The following TAF4 variants were observed in gnomAD, a reference collection of about 807,000 sequenced individuals.
The protein encoded by TAF4 is transcription initiation factor TFIID subunit 4.
In TAF4, 9 loss-of-function variants were observed where a neutral mutation model predicts 90.3. The ratio of observed to expected loss-of-function variants is 0.10; its 90% CI spans 0.06 to 0.17. The LOEUF is 0.17. Ranked by LOEUF, TAF4 falls within the 10% of genes least tolerant of loss-of-function variation. The pLI, the probability that TAF4 is intolerant of heterozygous loss-of-function variation, is 1.00. For synonymous variants in TAF4, 818 were observed against 638.9 expected (o/e 1.28, Z -4.23); for missense variants, 1,351 against 1,370.7 (o/e 0.99, Z 0.23).
In TAF4 at chr20:62,065,439, C is replaced by T; in HGVS notation, c.372G>A (p.Ala124=). Residue 124 remains alanine, a synonymous_variant, in exon 1 of 15, where the codon GCG becomes GCA. Transcript: ENST00000252996. ...LVPAGPAPPA[A]KLRPPPEGSA... ...TGCCCTCGGGCGGCGGCCTCAGCTT[C>T]GCGGCGGGCGGCGCGGGCCCTGCGG... is the stretch of plus-strand genomic sequence containing the variant. The T allele has an allele frequency of 1.0e-6, 1 of 973,960 alleles. No homozygotes were observed. The highest frequency in any genetic ancestry group is 4.6e-5 in the South Asian group (1 of 21,744). 60.3% of individuals were successfully genotyped at this position (973,960 alleles called of 1,614,324 possible).
intron 14 of TAF4, among the ~76,000 whole-genome samples, chr20:61,985,757 G>A (rs1377065621): frequency 1.3e-5 from 2 of 151,656 alleles, no homozygotes; most frequent in East Asian, 3.9e-4. Context: ...GCTGTGTTCA[G>A]CACAGGTGCA....
At chr20:62,028,107 C>T (rs1377445278) in intron 1 of TAF4, among the ~76,000 whole-genome samples, 1 of 152,244 alleles carries the variant, frequency 6.6e-6, no homozygotes, top group East Asian at 1.9e-4. Context: ...CCCTAAAGCA[C>T]TGAGCAGAGG....
intron 1 of TAF4, among the ~76,000 whole-genome samples, chr20:62,060,354 G>A (rs1201353791): frequency 1.3e-5 from 2 of 152,262 alleles, no homozygotes; most frequent in Non-Finnish European, 2.9e-5. Flanking sequence ...TGCTGTGAAT[G>A]CAGTGCTCGG....
intron 9 of TAF4, among the ~76,000 whole-genome samples, chr20:62,002,053 G>A (rs2055708599): frequency 6.6e-6 from 1 of 152,162 alleles, no homozygotes; most frequent in South Asian, 2.1e-4. Context: ...TTCCAATCCT[G>A]AGCCAGCCCA....
chr20:62,030,664 A>G (rs1262614345), intron 1 of TAF4, among the ~76,000 whole-genome samples: 2 of 152,200 alleles, frequency 1.3e-5, no homozygotes, highest in Non-Finnish European at 2.9e-5. Context: ...CAATTTTCCA[A>G]TTAACATGCT....
rs185259938 is a variant in TAF4 at position 62,000,205 on chromosome 20, T to C, written c.2706A>G (p.Val902=). 3.1e-6 allele frequency: 5 copies of C among 1,614,262 alleles called. No homozygotes were observed. Among genetic ancestry groups the C allele is most frequent in the Non-Finnish European group, 4.2e-6 (5 of 1,180,034 alleles). Residue 902 remains valine (V), a synonymous_variant, in exon 11 of 15, where the codon GTA becomes GTG. Transcript: ENST00000252996. ...TELHPDVVSY[V]SHATQQRLQN... Reference sequence around the variant, plus strand: ...GTAGCCTTTGTTGCGTGGCATGTGATACATAACTTACTACATCTGGATGTA... The same window carrying C: ...GTAGCCTTTGTTGCGTGGCATGTGACACATAACTTACTACATCTGGATGTA...
chr20:62,029,130 A>G (rs1006739853), intron 1 of TAF4, among the ~76,000 whole-genome samples: 1 of 150,532 alleles, frequency 6.6e-6, no homozygotes, highest in African/African-American at 2.5e-5. Flanking sequence ...CAGGAGGCAG[A>G]GGTTGCAGTG....
At chr20:61,982,188 ACCCAC>A in intron 14 of TAF4, among the ~76,000 whole-genome samples, 1 of 134,050 alleles carries the variant, frequency 7.5e-6, no homozygotes. Flanking sequence ...GAGACACCAA[ACCCAC>A]ACCCCACCCG....
chr20:62,054,243 T>C (rs1181144217), intron 1 of TAF4, among the ~76,000 whole-genome samples: 1 of 152,212 alleles, frequency 6.6e-6, no homozygotes, highest in Non-Finnish European at 1.5e-5. Flanking sequence ...ACAGGTGCCC[T>C]GTGGCATGCA....
chr20:62,060,541 C>T lies in TAF4; in HGVS notation c.1360+3910G>A, dbSNP rs372017172. On this transcript the variant is annotated intron_variant, in intron 1 of 14. Coordinates refer to ENST00000252996, the MANE Select transcript of TAF4 (RefSeq NM_003185.4). ...AAGGCGATGGTGACGACCCCAGCCG[C>T]GGGGCAGGGGGCAGGGAGGAAGGGA... Among the ~76,000 whole-genome samples, 23 of 152,342 alleles carry T rather than the reference C, an allele frequency of 1.5e-4. No homozygotes were observed. In the East Asian group the frequency reaches 2.3e-3, roughly 15 times the overall value.
chr20:62,038,349 G>C (rs558029144), intron 1 of TAF4, among the ~76,000 whole-genome samples: 1 of 151,912 alleles, frequency 6.6e-6, no homozygotes, highest in Non-Finnish European at 1.5e-5. Context: ...TTTTAGTAGA[G>C]ACAGGGTTTC....
intron 1 of TAF4, among the ~76,000 whole-genome samples, chr20:62,052,232 C>G (rs552703195): frequency 6.6e-6 from 1 of 151,974 alleles, no homozygotes; most frequent in East Asian, 1.9e-4. Flanking sequence ...CTCCCCCTCC[C>G]GCCCCACCCA....
intron 2 of TAF4, among the ~76,000 whole-genome samples, chr20:62,013,802 C>A (rs1342498825): frequency 4.6e-5 from 7 of 152,254 alleles, no homozygotes; most frequent in Admixed American, 4.6e-4. Context: ...GACACAGACA[C>A]ACGCCGGGAG....
At chr20:62,062,990 G>A (rs150624742) in intron 1 of TAF4, among the ~76,000 whole-genome samples, 38 of 152,248 alleles carry the variant, frequency 2.5e-4, no homozygotes, top group African/African-American at 7.9e-4. Flanking sequence ...TTTTTACAAC[G>A]TTACTAAAGA....
chr20:62,027,290 C>T (rs183949504), intron 1 of TAF4, among the ~76,000 whole-genome samples: 33 of 152,300 alleles, frequency 2.2e-4, no homozygotes, highest in African/African-American at 7.0e-4. Flanking sequence ...AAACCCTAAA[C>T]GGGCACTGTG....
intron 1 of TAF4, among the ~76,000 whole-genome samples, chr20:62,030,950 T>G (rs991002943): frequency 8.5e-5 from 13 of 152,206 alleles, no homozygotes; most frequent in African/African-American, 3.1e-4. Context: ...CAACTGCACC[T>G]GAGCTTCCTG....
rs541336179 is a variant in TAF4, at chr20:62,020,736, C to A, written c.1361-6029G>T. On this transcript the variant is annotated intron_variant, in intron 1 of 14. Transcript: ENST00000252996. ...CCTCTTCAAAATCACAAAGATTATC[C>A]AATACGACAGTCAAATTAAAAATTC... Among the ~76,000 whole-genome samples the A allele has an allele frequency of 2.2e-4, 33 of 152,288 alleles. No individual in the cohort carries two copies. The South Asian group carries it at 5.8e-3, about 27-fold the overall frequency.
intron 12 of TAF4, among the ~76,000 whole-genome samples, chr20:61,998,653 G>A (rs990453094): frequency 1.3e-5 from 2 of 152,186 alleles, no homozygotes; most frequent in Admixed American, 6.6e-5. Context: ...GCCTGGCTGT[G>A]AATGTTCTAG....
chr20:62,051,051 CAAG>C (rs1210749681), intron 1 of TAF4, among the ~76,000 whole-genome samples: 1 of 152,206 alleles, frequency 6.6e-6, no homozygotes, highest in East Asian at 1.9e-4. Flanking sequence ...CGAAAAGTTA[CAAG>C]GAGGTTCAGA....
Sources: allele counts gnomAD v4.1 joint callset (sites outside exome capture counted in the v4.1 genomes callset), GRCh38; gene constraint gnomAD v4.1.1; transcripts MANE v1.5; gene names NCBI Gene and HGNC (gene_info 2026-07-23, HGNC 2026-07-21).